The following R3HDM1 variants were observed in gnomAD, a reference collection of about 807,000 sequenced individuals.
The protein encoded by R3HDM1 is R3H domain-containing protein 1.
Under a neutral mutation model 141.1 loss-of-function variants are expected in R3HDM1, and 46 were observed. The ratio of observed to expected loss-of-function variants is 0.33; its 90% confidence interval spans 0.26 to 0.42. R3HDM1 has a LOEUF of 0.42. R3HDM1 is among the 10% of genes least tolerant of loss of function. The pLI is 1.00. For synonymous variants in R3HDM1, 435 were observed against 472.9 expected (o/e 0.92, Z 1.04); for missense variants, 1,184 against 1,368.3 (o/e 0.87, Z 2.12).
At chr2:135,541,286 C>T (rs547855094) in intron 1 of R3HDM1, among the ~76,000 whole-genome samples, 10 of 152,050 alleles carry the variant, frequency 6.6e-5, no homozygotes, top group Non-Finnish European at 8.8e-5. Context: ...CTGCAAGCTC[C>T]GCCTCCCGCC....
intron 5 of R3HDM1, among the ~76,000 whole-genome samples, chr2:135,617,333 A>AT (rs202024747): frequency 0.068 from 10,159 of 148,556 alleles, 712 homozygotes; most frequent in African/African-American, 0.19. Context: ...TCTCAAAAAA[A>AT]AATATATATA....
intron 1 of R3HDM1, among the ~76,000 whole-genome samples, chr2:135,545,513 T>C (rs1218821002): frequency 1.3e-5 from 2 of 152,122 alleles, no homozygotes; most frequent in Non-Finnish European, 2.9e-5. Context: ...GGGAAGAATA[T>C]TTTGGATGGA....
rs186653280 is a variant in R3HDM1 at position 135,576,854 on chromosome 2, G to A, written c.-249-25646G>A. On this transcript the variant is annotated intron_variant, in intron 1 of 26. Coordinates refer to ENST00000683871, the MANE Select transcript of R3HDM1 (RefSeq NM_001378107.1). ...TGGTTGCCGGGGGCTAAGGGAGTTT[G>A]GTCTAAAGAGGGGTGACTGATGAAA... is the stretch of plus-strand genomic sequence containing the variant. The A allele has an allele frequency of 1.9e-5, 3 of 156,654 alleles. No individual in the cohort carries two copies. In the East Asian group the frequency reaches 5.8e-4, roughly 30 times the overall value. The allele number at this position is 156,654 out of a possible 1,614,324, so 9.7% of individuals were successfully genotyped here.
intron 1 of R3HDM1, among the ~76,000 whole-genome samples, chr2:135,540,810 G>A (rs910010234): frequency 6.6e-6 from 1 of 152,230 alleles, no homozygotes; most frequent in East Asian, 1.9e-4. Context: ...TATCTTTGGC[G>A]GCCATGTAGC....
At chr2:135,543,060 A>G (rs898846970) in intron 1 of R3HDM1, 2 of 981,074 alleles carry the variant, frequency 2.0e-6, no homozygotes, top group East Asian at 1.1e-4. Context: ...AGCAATGGGA[A>G]TGGAATGTGA....
chr2:135,686,642 T>A (rs923294915), intron 21 of R3HDM1, among the ~76,000 whole-genome samples: 3 of 152,194 alleles, frequency 2.0e-5, no homozygotes, highest in African/African-American at 7.2e-5. Context: ...GAAACTGAGT[T>A]GTGGGAAGAT....
At chr2:135,620,299 C>T in intron 5 of R3HDM1, 4 of 920,964 alleles carry the variant, frequency 4.3e-6, no homozygotes, top group Non-Finnish European at 3.9e-6. Context: ...AAAAATAGTT[C>T]TGGGATTCAT....
intron 11 of R3HDM1, among the ~76,000 whole-genome samples, chr2:135,638,080 T>C (rs548435529): frequency 6.6e-6 from 1 of 152,290 alleles, no homozygotes; most frequent in Non-Finnish European, 1.5e-5. Flanking sequence ...TATGATCAAA[T>C]TGACATCTTA....
At chr2:135,640,273 T>C (rs1158659534) in intron 14 of R3HDM1, among the ~76,000 whole-genome samples, 11 of 152,200 alleles carry the variant, frequency 7.2e-5, no homozygotes, top group African/African-American at 2.2e-4. Context: ...TTTTAATGTA[T>C]AATATGGTTG....
chr2:135,609,390 G>T (rs188162934), intron 3 of R3HDM1, among the ~76,000 whole-genome samples: 106 of 152,314 alleles, frequency 7.0e-4, no homozygotes, highest in South Asian at 2.3e-3. Flanking sequence ...TTAACGTCAG[G>T]AAGTTAACTG....
intron 21 of R3HDM1, among the ~76,000 whole-genome samples, chr2:135,699,758 CA>C (rs2073966499): frequency 6.6e-6 from 1 of 152,138 alleles, no homozygotes; most frequent in Non-Finnish European, 1.5e-5. Context: ...TTATATAGAA[CA>C]TTTTTATCAC....
At chr2:135,556,348 C>T (rs1700760449) in intron 1 of R3HDM1, among the ~76,000 whole-genome samples, 1 of 152,006 alleles carries the variant, frequency 6.6e-6, no homozygotes. Flanking sequence ...GGCTTTTATA[C>T]CATTCGGTAG....
chr2:135,563,876 G>A (rs773311173), intron 1 of R3HDM1, among the ~76,000 whole-genome samples: 3 of 152,176 alleles, frequency 2.0e-5, no homozygotes, highest in South Asian at 2.1e-4. Flanking sequence ...TACAGGAAGC[G>A]TGGTGCCAGC....
At chr2:135,576,523 T>C (rs1705461419) in intron 1 of R3HDM1, among the ~76,000 whole-genome samples, 1 of 152,218 alleles carries the variant, frequency 6.6e-6, no homozygotes, top group African/African-American at 2.4e-5. Flanking sequence ...ATACACATCT[T>C]GTACCATGTA....
At chr2:135,548,357 A>G (rs1029095641) in intron 1 of R3HDM1, among the ~76,000 whole-genome samples, 4 of 152,222 alleles carry the variant, frequency 2.6e-5, no homozygotes, top group Non-Finnish European at 5.9e-5. Context: ...ATAATAGTAT[A>G]CATCACCCCT....
chr2:135,559,614 T>C (rs1226663773), intron 1 of R3HDM1, among the ~76,000 whole-genome samples: 1 of 152,252 alleles, frequency 6.6e-6, no homozygotes, highest in Non-Finnish European at 1.5e-5. Context: ...TATTAGATAC[T>C]TGGGCTGAGC....
chr2:135,697,018 A>T (rs2105395307), intron 21 of R3HDM1, among the ~76,000 whole-genome samples: 1 of 152,312 alleles, frequency 6.6e-6, no homozygotes, highest in African/African-American at 2.4e-5. Flanking sequence ...AAAGCAAATG[A>T]CTAAAAACTC....
intron 19 of R3HDM1, among the ~76,000 whole-genome samples, chr2:135,661,962 ACT>A (rs1363735248): frequency 6.6e-6 from 1 of 152,114 alleles, no homozygotes. Context: ...ATTTATTAAA[ACT>A]CAGCATTGTT....
At chr2:135,580,295 C>T (rs1706504434) in intron 1 of R3HDM1, among the ~76,000 whole-genome samples, 1 of 152,076 alleles carries the variant, frequency 6.6e-6, no homozygotes, top group African/African-American at 2.4e-5. Flanking sequence ...TACCAGGTAT[C>T]TATTGTTACC....
Sources: allele counts gnomAD v4.1 joint callset (sites outside exome capture counted in the v4.1 genomes callset), GRCh38; gene constraint gnomAD v4.1.1; transcripts MANE v1.5; gene names NCBI Gene and HGNC (gene_info 2026-07-23, HGNC 2026-07-21).